The following KCNQ5 variants were observed in gnomAD, a reference collection of about 807,000 sequenced individuals.
KCNQ5 encodes the protein potassium voltage-gated channel subfamily Q member 5.
Under a neutral mutation model 98.2 loss-of-function variants are expected in KCNQ5, and 30 were observed. That is an observed-to-expected ratio of 0.31 (90% CI 0.23 to 0.41). The LOEUF (loss-of-function observed/expected upper bound fraction) is 0.41, where lower values mean the gene tolerates loss of function less well. Among genes scored for constraint, KCNQ5 ranks in the 10% least tolerant of loss-of-function variants. KCNQ5 has a pLI of 1.00. For synonymous variants in KCNQ5, 458 were observed against 449.4 expected (o/e 1.02, Z -0.24); for missense variants, 835 against 1,182.5 (o/e 0.71, Z 4.31).
intron 5 of KCNQ5, among the ~76,000 whole-genome samples, chr6:73,096,748 A>C (rs970614637): frequency 2.0e-5 from 3 of 152,302 alleles, no homozygotes; most frequent in Admixed American, 2.0e-4. Flanking sequence ...ATACATATCA[A>C]TTTTTGTGGT....
intron 5 of KCNQ5, 91 bp from the exon 6 acceptor site, chr6:73,105,166 A>G: frequency 6.5e-6 from 4 of 617,650 alleles, no homozygotes; most frequent in Non-Finnish European, 1.1e-5. Flanking sequence ...TTGAATAATG[A>G]TTTAGTGGAA....
At chr6:73,055,900 G>C (rs2150370111) in intron 3 of KCNQ5, 1 of 559,032 alleles carries the variant, frequency 1.8e-6, no homozygotes, top group East Asian at 4.2e-5. Flanking sequence ...GCATCCATCT[G>C]TCCCTCCCTC....
intron 10 of KCNQ5, among the ~76,000 whole-genome samples, chr6:73,146,623 T>C (rs931152242): frequency 1.3e-4 from 11 of 85,466 alleles, no homozygotes; most frequent in Admixed American, 9.0e-4. Flanking sequence ...CAAGTCCCTG[T>C]CTCAAAAAAA....
intron 1 of KCNQ5, among the ~76,000 whole-genome samples, chr6:72,759,886 G>A (rs1402047809): frequency 6.6e-6 from 1 of 151,794 alleles, no homozygotes; most frequent in African/African-American, 2.4e-5. Flanking sequence ...TCACACACAC[G>A]CTCTGGCCTA....
chr6:72,655,270 G>T (rs966564789), intron 1 of KCNQ5, among the ~76,000 whole-genome samples: 2 of 151,800 alleles, frequency 1.3e-5, no homozygotes, highest in South Asian at 2.1e-4. Context: ...TACTTGAAAT[G>T]CTGCTAGATC....
At chr6:72,760,187 T>C (rs1027409205) in intron 1 of KCNQ5, among the ~76,000 whole-genome samples, 2 of 152,146 alleles carry the variant, frequency 1.3e-5, no homozygotes, top group African/African-American at 4.8e-5. Context: ...ACTTGGTAAC[T>C]TTTATAAATA....
intron 1 of KCNQ5, among the ~76,000 whole-genome samples, chr6:72,858,026 T>C (rs1336550392): frequency 6.6e-6 from 1 of 152,028 alleles, no homozygotes; most frequent in Non-Finnish European, 1.5e-5. Flanking sequence ...GAGTGAAAAA[T>C]GGTGTAGAAC....
chr6:72,917,198 G>A (rs914821472), intron 1 of KCNQ5, among the ~76,000 whole-genome samples: 6 of 152,284 alleles, frequency 3.9e-5, no homozygotes, highest in Middle Eastern at 3.4e-3. Flanking sequence ...ATCTTCTATG[G>A]TGTGTGGTAG....
chr6:72,873,944 A>C (rs992955073), intron 1 of KCNQ5, among the ~76,000 whole-genome samples: 2 of 152,010 alleles, frequency 1.3e-5, no homozygotes, highest in African/African-American at 4.8e-5. Flanking sequence ...AAACCATTAC[A>C]CTCAGTGATA....
intron 1 of KCNQ5, among the ~76,000 whole-genome samples, chr6:72,806,485 G>A (rs1264010109): frequency 6.6e-6 from 1 of 152,100 alleles, no homozygotes; most frequent in South Asian, 2.1e-4. Flanking sequence ...ATAACATAAA[G>A]TGCTTAGGGT....
intron 3 of KCNQ5, among the ~76,000 whole-genome samples, chr6:73,046,298 A>C (rs939043467): frequency 3.9e-5 from 6 of 152,086 alleles, no homozygotes; most frequent in African/African-American, 1.4e-4. Flanking sequence ...ATATTATTTC[A>C]CTTATTTTCT....
rs143745988 is a variant in KCNQ5, at chr6:72,746,245, C to T, written c.398+123658C>T. 2.6e-5 allele frequency among the ~76,000 whole-genome samples: 4 copies of T among 152,158 alleles called. No individual in the cohort carries two copies. In the East Asian group the frequency reaches 5.8e-4, roughly 22 times the overall value. ...TCTGTGGGATACTTCCCCTCCCAGC[C>T]CAGAAATTTATGCCAGTTACTAATT... is the stretch of plus-strand genomic sequence containing the variant. On this transcript the variant is annotated intron_variant, in intron 1 of 13. Coordinates refer to ENST00000370398, the MANE Select transcript of KCNQ5 (RefSeq NM_019842.4).
chr6:73,132,113 A>G (rs1776262973), intron 9 of KCNQ5, among the ~76,000 whole-genome samples: 1 of 152,242 alleles, frequency 6.6e-6, no homozygotes. Context: ...GCACATATCC[A>G]CTAAACACAT....
rs189401833 is a variant in KCNQ5 at position 73,132,933 on chromosome 6, A to T, written c.1248-488A>T. ...ATGAGATTGCATGAATTTATGGATA[A>T]CATAATCTTGCCTGGAATATAAAAT... On this transcript the variant is annotated intron_variant, in intron 9 of 13. Coordinates refer to ENST00000370398, the MANE Select transcript of KCNQ5 (RefSeq NM_019842.4). 3.7e-4 allele frequency among the ~76,000 whole-genome samples: 56 copies of T among 152,346 alleles called. No homozygotes were observed. The Middle Eastern group carries it at 0.014, about 37-fold the overall frequency.
chr6:72,673,726 C>G (rs981510878), intron 1 of KCNQ5, among the ~76,000 whole-genome samples: 10 of 152,170 alleles, frequency 6.6e-5, no homozygotes, highest in Admixed American at 5.2e-4. Context: ...GCATTGTTAT[C>G]CTTTATCCTC....
intron 9 of KCNQ5, among the ~76,000 whole-genome samples, chr6:73,126,618 G>T (rs1775996926): frequency 6.6e-6 from 1 of 151,964 alleles, no homozygotes; most frequent in South Asian, 2.1e-4. Context: ...TCACCCATAG[G>T]TTTAAATATG....
intron 1 of KCNQ5, among the ~76,000 whole-genome samples, chr6:72,757,544 C>A (rs1772033616): frequency 6.6e-6 from 1 of 152,072 alleles, no homozygotes; most frequent in Non-Finnish European, 1.5e-5. Flanking sequence ...TAACACAAAG[C>A]CTATTTTACA....
intron 1 of KCNQ5, among the ~76,000 whole-genome samples, chr6:72,697,224 A>G (rs979267171): frequency 6.6e-6 from 1 of 152,190 alleles, no homozygotes; most frequent in African/African-American, 2.4e-5. Context: ...TGTAGCTCAG[A>G]TAGGATGGTT....
At chr6:72,987,613 CAGAA>C in intron 1 of KCNQ5, 1 of 592,476 alleles carries the variant, frequency 1.7e-6, no homozygotes, top group Admixed American at 2.3e-5. Flanking sequence ...GAACCTGCAG[CAGAA>C]CCTGCAGCAG....
Sources: gnomAD v4.1 joint callset for allele counts (sites outside exome capture counted in the v4.1 genomes callset) on GRCh38, gnomAD v4.1.1 for gene constraint, MANE v1.5 for transcripts, NCBI Gene and HGNC (gene_info 2026-07-23, HGNC 2026-07-21) for gene names.